Variants in ZNF407 observed in about 807,000 individuals in gnomAD.
ZNF407 encodes zinc finger protein 407.
A neutral mutation model predicts 131.2 loss-of-function variants in ZNF407; 17 were observed. The ratio of observed to expected loss-of-function variants is 0.13; its 90% CI spans 0.09 to 0.19. ZNF407 has a LOEUF of 0.19. Ranked by LOEUF, ZNF407 falls within the 10% of genes least tolerant of loss-of-function variation. ZNF407 has a pLI of 1.00. For missense variants in ZNF407, 2,681 were observed against 2,830.6 expected (o/e 0.95, Z 1.20); for synonymous variants, 1,156 against 1,062.0 (o/e 1.09, Z -1.72).
At chr18:74,722,188 A>G (rs979719256) in intron 3 of ZNF407, among the ~76,000 whole-genome samples, 1 of 151,910 alleles carries the variant, frequency 6.6e-6, no homozygotes, top group Non-Finnish European at 1.5e-5. Flanking sequence ...ACTTTCAGCC[A>G]TTAATTTTTT....
intron 3 of ZNF407, among the ~76,000 whole-genome samples, chr18:74,653,827 A>G (rs978883889): frequency 6.6e-6 from 1 of 151,790 alleles, no homozygotes; most frequent in African/African-American, 2.4e-5. Flanking sequence ...GATGTATGCT[A>G]TTTGAAATAA....
intron 8 of ZNF407, among the ~76,000 whole-genome samples, chr18:75,049,663 C>A (rs1417051752): frequency 6.6e-6 from 1 of 152,152 alleles, no homozygotes; most frequent in Non-Finnish European, 1.5e-5. Context: ...TCTGCTGTTC[C>A]CCATTTTGCC....
chr18:74,849,608 C>T (rs1338948149), intron 4 of ZNF407, among the ~76,000 whole-genome samples: 1 of 152,082 alleles, frequency 6.6e-6, no homozygotes, highest in African/African-American at 2.4e-5. Context: ...GTAGCGGTGC[C>T]CTGTCCGCTG....
intron 8 of ZNF407, among the ~76,000 whole-genome samples, chr18:74,995,400 C>T (rs1336610696): frequency 2.0e-5 from 3 of 152,132 alleles, no homozygotes; most frequent in Non-Finnish European, 4.4e-5. Flanking sequence ...TGATTCGATC[C>T]TACACTGGGT....
In ZNF407 at chr18:74,781,411, T is replaced by A; in HGVS notation, c.4803-17T>A. 1 of 1,517,644 alleles carries A rather than the reference T, an allele frequency of 6.6e-7. No homozygotes were observed. The highest frequency in any genetic ancestry group is 8.9e-7 in the Non-Finnish European group (1 of 1,125,708). The allele number at this position is 1,517,644 out of a possible 1,614,324, so 94.0% of individuals were successfully genotyped here. On this transcript the variant is annotated splice_polypyrimidine_tract_variant and intron_variant, in intron 3 of 8. Transcript: ENST00000299687. ...AGTCAAGTTTTAGTTTTATAATTACTTTTGTTTATTTTTTAGGGTTGCTTT... is the reference window on the plus strand; with the variant it reads ...AGTCAAGTTTTAGTTTTATAATTACATTTGTTTATTTTTTAGGGTTGCTTT...
In ZNF407 at chr18:74,631,905, A is replaced by G. The variant is rs369415246; in HGVS notation, c.886A>G (p.Met296Val). The G allele has an allele frequency of 1.9e-6, 3 of 1,613,938 alleles. No homozygotes were observed. The highest frequency in any genetic ancestry group is 1.7e-6 in the Non-Finnish European group (2 of 1,179,900). ...ACCTTTTCCTAAAAAATCACGTACA[A>G]TGGCAACAAAAAATGTTCACTCAAA... ...KQPFPKKSRT[M>V]ATKNVHSKPR... The change falls in exon 2 of 9, where the codon ATG becomes GTG. Residue 296 changes from methionine to valine, a missense_variant. Transcript: ENST00000299687.
chr18:74,812,357 C>G (rs1485865939), intron 4 of ZNF407, among the ~76,000 whole-genome samples: 1 of 152,198 alleles, frequency 6.6e-6, no homozygotes, highest in Non-Finnish European at 1.5e-5. Flanking sequence ...CTTCTTTACT[C>G]TGTTTCACAT....
chr18:74,658,199 G>A (rs1315232166), intron 3 of ZNF407, among the ~76,000 whole-genome samples: 2 of 151,858 alleles, frequency 1.3e-5, no homozygotes, highest in Admixed American at 6.6e-5. Flanking sequence ...TGCAACCTCC[G>A]CCTCCCGGGT....
At chr18:75,017,041 G>A (rs1973052712) in intron 8 of ZNF407, among the ~76,000 whole-genome samples, 1 of 151,980 alleles carries the variant, frequency 6.6e-6, no homozygotes, top group Admixed American at 6.6e-5. Flanking sequence ...GAGTGGCAGT[G>A]GGAATCAATT....
Position 75,064,296 on chromosome 18 carries a change from A to G in ZNF407, c.6575A>G (p.Glu2192Gly), listed in dbSNP as rs915676449. 1.2e-6 allele frequency: 2 copies of G among 1,603,820 alleles called. No individual in the cohort carries two copies. The highest frequency in any genetic ancestry group is 1.7e-6 in the Non-Finnish European group (2 of 1,176,128). The change falls in exon 9 of 9, where the codon GAG (glutamate) becomes GGG (glycine). Residue 2192 changes from glutamate to glycine, a missense_variant. Transcript: ENST00000299687. ...GGCCTGTACTCCCACACCGTGCTGG[A>G]GACTGCGGACTCGCAGGAACTCCTG... ...EPGLYSHTVL[E>G]TADSQELLQA...
At chr18:74,727,353 G>A (rs1296170476) in intron 3 of ZNF407, among the ~76,000 whole-genome samples, 4 of 152,138 alleles carry the variant, frequency 2.6e-5, no homozygotes, top group African/African-American at 9.7e-5. Flanking sequence ...AGAGAGTTGA[G>A]CCCTCTTCCA....
At chr18:74,985,540 TAAG>T (rs1248055365) in intron 8 of ZNF407, among the ~76,000 whole-genome samples, 3 of 152,110 alleles carry the variant, frequency 2.0e-5, no homozygotes, top group African/African-American at 7.2e-5. Context: ...CAAACAAAAA[TAAG>T]GAGGAAAGCC....
intron 3 of ZNF407, among the ~76,000 whole-genome samples, chr18:74,673,498 G>A (rs548375409): frequency 1.0e-3 from 159 of 152,308 alleles, no homozygotes; most frequent in African/African-American, 3.8e-3. Context: ...ATCTGGGGCC[G>A]CAGAAGAGCA....
intron 8 of ZNF407, among the ~76,000 whole-genome samples, chr18:74,981,281 GT>G (rs1972589981): frequency 6.6e-6 from 1 of 152,232 alleles, no homozygotes; most frequent in African/African-American, 2.4e-5. Flanking sequence ...CATGCCACAG[GT>G]GTCCGCAGTG....
At chr18:74,685,899 G>A (rs1169229206) in intron 3 of ZNF407, among the ~76,000 whole-genome samples, 2 of 152,146 alleles carry the variant, frequency 1.3e-5, no homozygotes, top group Non-Finnish European at 2.9e-5. Context: ...TATCTGTACT[G>A]TTTATTGTTT....
chr18:74,762,631 C>T (rs1211274591), intron 3 of ZNF407, among the ~76,000 whole-genome samples: 2 of 151,994 alleles, frequency 1.3e-5, no homozygotes, highest in Non-Finnish European at 2.9e-5. Context: ...TGCTTTCTGC[C>T]ATTATTAGCT....
intron 4 of ZNF407, among the ~76,000 whole-genome samples, chr18:74,867,185 T>G (rs1206117104): frequency 4.6e-5 from 7 of 152,154 alleles, no homozygotes; most frequent in African/African-American, 1.7e-4. Flanking sequence ...AAATCCCATG[T>G]GTTTTGTGTC....
intron 5 of ZNF407, 73 bp from the exon 6 acceptor site, chr18:74,880,963 C>A: frequency 7.6e-7 from 1 of 1,310,120 alleles, no homozygotes; most frequent in Non-Finnish European, 1.1e-6. Context: ...ATTAGTAACC[C>A]TGAAAGCCTT....
chr18:74,688,989 C>T (rs945620407), intron 3 of ZNF407, among the ~76,000 whole-genome samples: 9 of 151,998 alleles, frequency 5.9e-5, no homozygotes, highest in Non-Finnish European at 1.3e-4. Context: ...CCACCATGCC[C>T]GGGTAATTTT....
Sources: gnomAD v4.1 joint callset for allele counts (sites outside exome capture counted in the v4.1 genomes callset) on GRCh38, gnomAD v4.1.1 for gene constraint, MANE v1.5 for transcripts, NCBI Gene and HGNC (gene_info 2026-07-23, HGNC 2026-07-21) for gene names.